Variants in HSD17B2 observed in about 807,000 individuals in gnomAD.
HSD17B2 encodes the protein 17-beta-hydroxysteroid dehydrogenase type 2.
HSD17B2 carries 32 observed loss-of-function variants against 26.9 expected under a neutral mutation model. That is an observed-to-expected ratio of 1.19 (90% CI 0.90 to 1.60). The LOEUF (loss-of-function observed/expected upper bound fraction) is 1.60, where lower values mean the gene tolerates loss of function less well. Among genes scored for constraint, HSD17B2 ranks in the 40% most tolerant of loss-of-function variants. HSD17B2 has a pLI of 0.00. For missense variants in HSD17B2, 613 were observed against 468.6 expected (o/e 1.31, Z -2.85); for synonymous variants, 246 against 186.7 (o/e 1.32, Z -2.59).
chr16:82,091,052 G>C lies in HSD17B2; in HGVS notation c.802+13G>C. 1 of 1,613,644 alleles carries C rather than the reference G, an allele frequency of 6.2e-7. No homozygotes were observed. The highest frequency in any genetic ancestry group is 1.1e-5 in the South Asian group (1 of 91,054). On this transcript the variant is annotated intron_variant, in intron 4 of 4. Coordinates refer to ENST00000199936, the MANE Select transcript of HSD17B2 (RefSeq NM_002153.3). The stretch of plus-strand genomic sequence containing the variant: ...GGCTTCCTAACAAGTAGGTTTCTGA[G>C]CCCAAGAACCTGTGATGTTCATCCT...
chr16:82,038,735 G>T (rs945804881), intron 1 of HSD17B2, among the ~76,000 whole-genome samples: 3 of 152,204 alleles, frequency 2.0e-5, no homozygotes, highest in Non-Finnish European at 2.9e-5. Context: ...TTGTGGGAAA[G>T]ATTTATTAGG....
intron 3 of HSD17B2, among the ~76,000 whole-genome samples, chr16:82,080,673 T>TTATA (rs1359558403): frequency 6.6e-6 from 1 of 152,196 alleles, no homozygotes; most frequent in Non-Finnish European, 1.5e-5. Flanking sequence ...GAGCTCCAAT[T>TTATA]TATAACAAAT....
chr16:82,050,147 T>C (rs1914062379), intron 1 of HSD17B2, among the ~76,000 whole-genome samples: 1 of 152,222 alleles, frequency 6.6e-6, no homozygotes, highest in African/African-American at 2.4e-5. Context: ...TCCAACACCT[T>C]ATGTACTCAG....
At chr16:82,077,784 G>T (rs560072402) in intron 3 of HSD17B2, among the ~76,000 whole-genome samples, 1 of 149,036 alleles carries the variant, frequency 6.7e-6, no homozygotes, top group Admixed American at 6.7e-5. Flanking sequence ...AGGAAGGAAG[G>T]AAGAAAGGAA....
At chr16:82,070,210 C>G (rs1327715049) in intron 2 of HSD17B2, among the ~76,000 whole-genome samples, 1 of 152,146 alleles carries the variant, frequency 6.6e-6, no homozygotes, top group Non-Finnish European at 1.5e-5. Context: ...CTGGCTCTAC[C>G]ACCTAACCAG....
chr16:82,065,334 C>T (rs937967095), intron 1 of HSD17B2, among the ~76,000 whole-genome samples: 6 of 152,152 alleles, frequency 3.9e-5, no homozygotes, highest in Non-Finnish European at 8.8e-5. Flanking sequence ...AGCAGATACC[C>T]TGATTGACTG....
intron 1 of HSD17B2, among the ~76,000 whole-genome samples, chr16:82,061,864 C>A (rs780059353): frequency 6.6e-6 from 1 of 152,150 alleles, no homozygotes; most frequent in African/African-American, 2.4e-5. Flanking sequence ...CCCCATCTTC[C>A]TTCTTTCTGA....
chr16:82,097,308 A>AT (rs1491488084), intron 4 of HSD17B2: 1 of 151,204 alleles, frequency 6.6e-6, no homozygotes. Flanking sequence ...ATATATACAC[A>AT]TATATATGTG....
chr16:82,052,311 C>G (rs1042264956), intron 1 of HSD17B2: 1 of 152,236 alleles, frequency 6.6e-6, no homozygotes, highest in African/African-American at 2.4e-5. Flanking sequence ...CTGTTTTGGT[C>G]TTCTGCCCAG....
At chr16:82,052,947 G>A (rs2143941972) in intron 1 of HSD17B2, among the ~76,000 whole-genome samples, 1 of 152,312 alleles carries the variant, frequency 6.6e-6, no homozygotes, top group Admixed American at 6.5e-5. Context: ...TATAGCAAGA[G>A]GGCAAGAGCA....
At chr16:82,068,411 T>C (rs1477478649) in intron 2 of HSD17B2, 29 bp downstream of exon 2, 1 of 1,568,288 alleles carries the variant, frequency 6.4e-7, no homozygotes, top group Non-Finnish European at 8.7e-7. Context: ...TCAGTGCCTT[T>C]ACCCTCCTCC....
chr16:82,073,499 T>C (rs541429164), intron 3 of HSD17B2, among the ~76,000 whole-genome samples: 1 of 152,224 alleles, frequency 6.6e-6, no homozygotes, highest in East Asian at 1.9e-4. Flanking sequence ...TCTGGGCATA[T>C]CTCACTCTTA....
rs1913591290 is a variant in HSD17B2, at chr16:82,035,274, G to A, written c.-151G>A. 2 of 646,034 alleles carry A rather than the reference G, an allele frequency of 3.1e-6. No individual in the cohort carries two copies. Among genetic ancestry groups the A allele is most frequent in the South Asian group, 3.9e-5 (2 of 50,988 alleles). 40.0% of individuals were successfully genotyped at this position (646,034 alleles called of 1,614,324 possible). On this transcript the variant is annotated 5_prime_UTR_variant, in exon 1 of 5. The change abolishes an upstream ATG in the 5' untranslated region. Transcript: ENST00000199936. Reference sequence around the variant, plus strand: ...AATTACCCACTGGGAATATGATTATGCTTAATCTATGCTCAGTTGAAAGGG... The same window carrying A: ...AATTACCCACTGGGAATATGATTATACTTAATCTATGCTCAGTTGAAAGGG...
At chr16:82,083,748 TGAG>T (rs1310879861) in intron 3 of HSD17B2, among the ~76,000 whole-genome samples, 3 of 152,164 alleles carry the variant, frequency 2.0e-5, no homozygotes, top group African/African-American at 4.8e-5. Context: ...TACTAGCTCC[TGAG>T]GAGATGACCC....
intron 3 of HSD17B2, 104 bp downstream of exon 3, chr16:82,071,231 T>C (rs1265207551): frequency 8.9e-7 from 1 of 1,124,890 alleles, no homozygotes; most frequent in African/African-American, 1.5e-5. Flanking sequence ...AAAGGCAGGG[T>C]TGGGTCAGGA....
chr16:82,072,193 A>G (rs1220474016), intron 3 of HSD17B2, among the ~76,000 whole-genome samples: 1 of 152,138 alleles, frequency 6.6e-6, no homozygotes, highest in Non-Finnish European at 1.5e-5. Context: ...CCTGAGGCAT[A>G]AACAAAGAAG....
intron 1 of HSD17B2, among the ~76,000 whole-genome samples, chr16:82,058,621 A>C (rs1914344981): frequency 6.6e-6 from 1 of 152,090 alleles, no homozygotes; most frequent in Admixed American, 6.6e-5. Flanking sequence ...ACCCATTCCC[A>C]CATCAGCTTT....
intron 3 of HSD17B2, among the ~76,000 whole-genome samples, chr16:82,086,576 C>T (rs1904532891): frequency 6.6e-6 from 1 of 152,284 alleles, no homozygotes; most frequent in South Asian, 2.1e-4. Flanking sequence ...GAATAGTTCA[C>T]AGAGGCATTC....
At chr16:82,054,423 C>A (rs1914204379) in intron 1 of HSD17B2, among the ~76,000 whole-genome samples, 2 of 152,180 alleles carry the variant, frequency 1.3e-5, no homozygotes, top group South Asian at 2.1e-4. Context: ...TGGCTCACTG[C>A]AACTTCCACC....
Sources: gnomAD v4.1 joint callset for allele counts (sites outside exome capture counted in the v4.1 genomes callset) on GRCh38, gnomAD v4.1.1 for gene constraint, MANE v1.5 for transcripts, NCBI Gene and HGNC (gene_info 2026-07-23, HGNC 2026-07-21) for gene names.